The following HSPG2 variants were observed in gnomAD, a reference collection of about 807,000 sequenced individuals.
The protein encoded by HSPG2 is basement membrane-specific heparan sulfate proteoglycan core protein.
HSPG2 carries 278 observed loss-of-function variants against 526.6 expected under a neutral mutation model. That is an observed-to-expected ratio of 0.53 (90% CI 0.48 to 0.58). HSPG2 has a LOEUF of 0.58. Ranked by LOEUF, HSPG2 falls within the 20% of genes least tolerant of loss-of-function variation. The pLI is 0.00. For missense variants in HSPG2, 5,354 were observed against 6,099.5 expected, an observed-to-expected ratio of 0.88 and a Z score of 4.07; for synonymous variants, 2,465 against 2,555.4, an observed-to-expected ratio of 0.96 and a Z score of 1.07.
rs74062208 is a variant in HSPG2, at chr1:21,898,742, G to A, written c.64-2432C>T. 6.6e-6 allele frequency among the ~76,000 whole-genome samples: 1 copy of A among 152,202 alleles called. No individual in the cohort carries two copies. Among genetic ancestry groups the A allele is most frequent in the African/African-American group, 2.4e-5 (1 of 41,446 alleles). On this transcript the variant is annotated intron_variant, in intron 1 of 96. Coordinates refer to ENST00000374695, the MANE Select transcript of HSPG2 (RefSeq NM_005529.7). This position sits in a 1 kb window ranked among gnomAD's most constrained non-coding sequence, Gnocchi z 4.0. ...CTGACTCTGGTTAGAGGAGATTTGA[G>A]GGGTCCCCTCAACCTGGTGGGGGGC...
In HSPG2 at chr1:21,822,584, C is replaced by T. The variant is rs1028089955; in HGVS notation, c.*732G>A. 11 of 315,320 alleles carry T rather than the reference C, an allele frequency of 3.5e-5. No homozygotes were observed. The highest frequency in any genetic ancestry group is 6.8e-5 in the Non-Finnish European group (11 of 161,772). The allele number at this position is 315,320 out of a possible 1,614,324, so 19.5% of individuals were successfully genotyped here. On this transcript the variant is annotated 3_prime_UTR_variant, in exon 97 of 97. Coordinates refer to ENST00000374695, the MANE Select transcript of HSPG2 (RefSeq NM_005529.7). Reference sequence around the variant, plus strand: ...GGTGGGCGGGGCCCGGTGGGCGGGGCCCTATCAGTGCTGGGCTCTGCCTGT... The same window carrying T: ...GGTGGGCGGGGCCCGGTGGGCGGGGTCCTATCAGTGCTGGGCTCTGCCTGT...
chr1:21,849,749 G>A (rs931889523), intron 57 of HSPG2, among the ~76,000 whole-genome samples: 7 of 151,708 alleles, frequency 4.6e-5, no homozygotes, highest in African/African-American at 9.7e-5. Flanking sequence ...GCACGATCTC[G>A]GCTCACTGCA....
intron 71 of HSPG2, 112 bp downstream of exon 71, chr1:21,840,989 C>T (rs1341018865): frequency 1.9e-5 from 18 of 931,818 alleles, no homozygotes; most frequent in Middle Eastern, 6.2e-4. Flanking sequence ...CTCCCTTCCT[C>T]TCTCCATCCA....
Position 21,874,710 on chromosome 1 carries a change from G to T in HSPG2, c.3434C>A (p.Thr1145Lys), listed in dbSNP as rs778214808. 1 of 1,605,288 alleles carries T rather than the reference G, an allele frequency of 6.2e-7. No individual in the cohort carries two copies. Among genetic ancestry groups the T allele is most frequent in the Non-Finnish European group, 8.5e-7 (1 of 1,175,774 alleles). The change falls in exon 27 of 97, where the codon ACA (threonine) becomes AAA (lysine). Residue 1145 changes from threonine to lysine, a missense_variant. Thr to Lys is a moderately conservative substitution (Grantham distance 78, BLOSUM62 -1). Coordinates refer to ENST00000374695, the MANE Select transcript of HSPG2 (RefSeq NM_005529.7). ...PSCQDCDTGY[T>K]RTPSGLYLGT... ...CAGGTAGAGGCCACTGGGCGTGCGT[G>T]TGTAGCCTGTGTCACAGTCCTGGGG...
At chr1:21,902,089 C>T (rs921187472) in intron 1 of HSPG2, among the ~76,000 whole-genome samples, 3 of 152,198 alleles carry the variant, frequency 2.0e-5, no homozygotes, top group Admixed American at 6.5e-5. Flanking sequence ...TGTCCACAGG[C>T]GACAGACAGC....
Position 21,848,771 on chromosome 1 carries a change from G to A in HSPG2, c.7609C>T (p.Arg2537Cys), listed in dbSNP as rs756125455. ...SHSQGVAYPV[R>C]IESSSASLAN... is the part of the protein sequence containing the mutation. ...AGGGAGGCTGAGGAGGACTCGATGC[G>A]GACGGGGTACGCCACACCCTGGGCT... The change falls in exon 59 of 97, where the codon CGC (arginine) becomes TGC (cysteine). Residue 2537 changes from arginine to cysteine, a missense_variant. Physicochemically the swap from Arg to Cys is radical, Grantham distance 180. Transcript: ENST00000374695. This position sits in a 1 kb window ranked among gnomAD's most constrained non-coding sequence, Gnocchi z 4.9. 4.3e-6 allele frequency: 7 copies of A among 1,613,794 alleles called. No homozygotes were observed. Among genetic ancestry groups the A allele is most frequent in the South Asian group, 1.1e-5 (1 of 91,070 alleles).
At chr1:21,861,910 G>T (rs1372252062) in intron 38 of HSPG2, 67 bp from the exon 39 acceptor site, 4 of 1,613,120 alleles carry the variant, frequency 2.5e-6, no homozygotes, top group Non-Finnish European at 3.4e-6. Context: ...CTTCACTTCT[G>T]CCCCAAAAGC....
chr1:21,826,263 T>A (rs1259979276), intron 91 of HSPG2, among the ~76,000 whole-genome samples: 1 of 151,890 alleles, frequency 6.6e-6, no homozygotes, highest in Non-Finnish European at 1.5e-5. Context: ...AGAGATGAGG[T>A]CTCCCTGTGT....
In HSPG2 at chr1:21,890,000, C is replaced by T; in HGVS notation, c.555G>A (p.Gln185=). The T allele has an allele frequency of 1.9e-6, 3 of 1,614,096 alleles. No homozygotes were observed. The highest frequency in any genetic ancestry group is 2.5e-6 in the Non-Finnish European group (3 of 1,179,968). Residue 185 remains glutamine, a synonymous_variant, in exon 6 of 97, where the codon CAG becomes CAA. Coordinates refer to ENST00000374695, the MANE Select transcript of HSPG2 (RefSeq NM_005529.7). ...ASYVTSPQGF[Q]FRRLGTVPQF... is the part of the protein sequence containing the mutation. ...GCTCACCTGTGCCCAGGCGTCGGAA[C>T]TGGAATCCCTGGGGAGAGGTGACGT...
chr1:21,832,876 C>T (rs1572160877), intron 80 of HSPG2: 27 of 578,028 alleles, frequency 4.7e-5, no homozygotes, highest in Admixed American at 4.2e-4. Flanking sequence ...GAGACTCACC[C>T]GAGTAGAGAA....
At chr1:21,923,922 C>T (rs751831734) in intron 1 of HSPG2, among the ~76,000 whole-genome samples, 12 of 152,148 alleles carry the variant, frequency 7.9e-5, no homozygotes, top group Non-Finnish European at 1.2e-4. Context: ...CTTGGGATCA[C>T]GTAAGAGTTT....
rs763780541 is a variant in HSPG2, at chr1:21,884,673, G to T, written c.1509C>A (p.Gly503=). ...DGVLELVPQR[G]PCPDGHFYLE... is the part of the protein sequence containing the mutation. Reference sequence around the variant, plus strand: ...GGTAGAAGTGGCCGTCAGGGCAGGGGCCTGCTGGGCGGCATGGGCGGGGGC... The same window carrying T: ...GGTAGAAGTGGCCGTCAGGGCAGGGTCCTGCTGGGCGGCATGGGCGGGGGC... The change falls in exon 13 of 97, where the codon GGC becomes GGA. Residue 503 remains glycine (G), a splice_region_variant and synonymous_variant. Transcript: ENST00000374695. The T allele has an allele frequency of 1.2e-6, 2 of 1,611,154 alleles. No individual in the cohort carries two copies. The highest frequency in any genetic ancestry group is 4.5e-5 in the East Asian group (2 of 44,848).
chr1:21,841,104 C>T lies in HSPG2; in HGVS notation c.9510G>A (p.Leu3170=). The T allele has an allele frequency of 1.9e-6, 3 of 1,603,578 alleles. No individual in the cohort carries two copies. Among genetic ancestry groups the T allele is most frequent in the Non-Finnish European group, 2.6e-6 (3 of 1,175,776 alleles). ...TYGLMDSHAV[L]QISSAKPSDA... ...AGAGAGGCAGCCCCGGCTTCACCTGCAGCACCGCGTGGCTGTCCATGAGCC... is the reference window on the plus strand; with the variant it reads ...AGAGAGGCAGCCCCGGCTTCACCTGTAGCACCGCGTGGCTGTCCATGAGCC... Residue 3170 remains leucine, a synonymous_variant, in exon 71 of 97, where the codon CTG becomes CTA. Transcript: ENST00000374695.
Position 21,822,952 on chromosome 1 carries a change from G to T in HSPG2, c.*364C>A. ...CACAAGCCGAGGTTGGCTCTCCTAG[G>T]AGTGAGAACTGCCCAAGGGCTGCAG... On this transcript the variant is annotated 3_prime_UTR_variant, in exon 97 of 97. Coordinates refer to ENST00000374695, the MANE Select transcript of HSPG2 (RefSeq NM_005529.7). 5.0e-6 allele frequency: 1 copy of T among 199,530 alleles called. No individual in the cohort carries two copies. The allele number at this position is 199,530 out of a possible 1,614,324, so 12.4% of individuals were successfully genotyped here.
chr1:21,904,541 G>A lies in HSPG2; in HGVS notation c.64-8231C>T, dbSNP rs1044684278. Among the ~76,000 whole-genome samples, 9 of 152,154 alleles carry A rather than the reference G, an allele frequency of 5.9e-5. No homozygotes were observed. Among genetic ancestry groups the A allele is most frequent in the African/African-American group, 1.9e-4 (8 of 41,446 alleles). On this transcript the variant is annotated intron_variant, in intron 1 of 96. Transcript: ENST00000374695. This position sits in a 1 kb window ranked among gnomAD's most constrained non-coding sequence, Gnocchi z 4.4. The stretch of plus-strand genomic sequence containing the variant: ...TCTCCCCTGTACCCCCAGAGTCCCT[G>A]CACTCTCCTCCGTCCCCCACAGACA...
At chr1:21,877,019 A>T (rs897470) in intron 21 of HSPG2, among the ~76,000 whole-genome samples, 143,324 of 148,426 alleles carry the variant, frequency 0.97, 69,399 homozygotes, top group Middle Eastern at 1. Context: ...AGATCGCGCC[A>T]CTGCAATCCA....
intron 1 of HSPG2, among the ~76,000 whole-genome samples, chr1:21,928,277 C>G (rs1385293073): frequency 1.3e-5 from 2 of 152,212 alleles, no homozygotes; most frequent in Admixed American, 6.5e-5. Context: ...AGTGGACATC[C>G]CAGCTTGTCC....
chr1:21,878,096 T>C (rs1406367814), intron 21 of HSPG2, 90 bp downstream of exon 21: 1 of 1,215,664 alleles, frequency 8.2e-7, no homozygotes, highest in Non-Finnish European at 1.2e-6. Context: ...TGGCCAAGGA[T>C]CTATGGAGAG....
chr1:21,865,324 C>T lies in HSPG2; in HGVS notation c.4356G>A (p.Gln1452=). The stretch of plus-strand genomic sequence containing the variant: ...TCTCGTAGCTCCTCCTCTCAGGGCC[C>T]TGCAGCGCTGGCTGGGAGGCCACTA... ...IMLVASQPAL[Q]GPERRSYEIM... Residue 1452 remains glutamine (Q), a synonymous_variant, in exon 35 of 97, where the codon CAG becomes CAA. Coordinates refer to ENST00000374695, the MANE Select transcript of HSPG2 (RefSeq NM_005529.7). This position sits in a 1 kb window ranked among gnomAD's most constrained non-coding sequence, Gnocchi z 5.4. The T allele has an allele frequency of 1.2e-6, 2 of 1,614,112 alleles. No individual in the cohort carries two copies. Among genetic ancestry groups the T allele is most frequent in the Non-Finnish European group, 8.5e-7 (1 of 1,179,990 alleles).
Sources: gnomAD v4.1 joint callset for allele counts (sites outside exome capture counted in the v4.1 genomes callset) on GRCh38, gnomAD v4.1.1 for gene constraint, Gnocchi (gnomAD v3.1) non-coding constraint, MANE v1.5 for transcripts, NCBI Gene and HGNC (gene_info 2026-07-23, HGNC 2026-07-21) for gene names.